The following FHIT variants were observed in gnomAD, a reference collection of about 807,000 sequenced individuals.
The protein encoded by FHIT is bis(5'-adenosyl)-triphosphatase.
Under a neutral mutation model 17.9 loss-of-function variants are expected in FHIT, and 19 were observed. The observed-to-expected ratio is 1.06, with a 90% CI of 0.74 to 1.56. The LOEUF (loss-of-function observed/expected upper bound fraction) is 1.56. Ranked by LOEUF, FHIT falls within the 40% of genes most tolerant of loss-of-function variation. The pLI is 0.00. For missense variants in FHIT, 248 were observed against 189.2 expected, an observed-to-expected ratio of 1.31 and a Z score of -1.82; for synonymous variants, 81 against 69.7, an observed-to-expected ratio of 1.16 and a Z score of -0.81.
At chr3:61,148,357 C>T (rs1278340790) in intron 2 of FHIT, among the ~76,000 whole-genome samples, 1 of 152,108 alleles carries the variant, frequency 6.6e-6, no homozygotes, top group East Asian at 1.9e-4. Context: ...ACCTCCTGAT[C>T]CTTTCTAGCA....
intron 5 of FHIT, among the ~76,000 whole-genome samples, chr3:60,338,582 G>T (rs1210832568): frequency 6.6e-6 from 1 of 152,072 alleles, no homozygotes; most frequent in Non-Finnish European, 1.5e-5. Flanking sequence ...ATCACATGCT[G>T]CCTTCCAAAA....
At chr3:60,974,467 G>A (rs956510771) in intron 3 of FHIT, among the ~76,000 whole-genome samples, 17 of 152,250 alleles carry the variant, frequency 1.1e-4, no homozygotes, top group Admixed American at 6.5e-4. Context: ...GGGATAGAAT[G>A]AAAGATTCAA....
chr3:60,147,749 G>A (rs59665750), intron 5 of FHIT, among the ~76,000 whole-genome samples: 19,352 of 152,082 alleles, frequency 0.13, 1,934 homozygotes, highest in African/African-American at 0.27. Flanking sequence ...TCTCTTTATC[G>A]CTAGATGCAG....
At position 60,970,860 on chromosome 3, in the gene FHIT, G is replaced by A. The variant is rs72873042; in HGVS notation, c.-111+71187C>T. Among the ~76,000 whole-genome samples, 1,497 of 152,080 alleles carry A rather than the reference G, an allele frequency of 9.8e-3. 20 individuals are homozygous for A. Among genetic ancestry groups the A allele is most frequent in the African/African-American group, 0.031 (1,295 of 41,476 alleles). ...AATAGACTTAATAATCTAATGAAAC[G>A]TTCATATTTATCATCCTGCTTTAGC... On this transcript the variant is annotated intron_variant, in intron 3 of 9. Transcript: ENST00000492590.
At chr3:60,823,528 G>C (rs1300020789) in intron 3 of FHIT, among the ~76,000 whole-genome samples, 3 of 152,240 alleles carry the variant, frequency 2.0e-5, no homozygotes, top group East Asian at 3.9e-4. Flanking sequence ...TGAGAATAAA[G>C]GCAGAGATTG....
At chr3:60,481,240 G>A (rs1012085922) in intron 5 of FHIT, among the ~76,000 whole-genome samples, 1 of 152,100 alleles carries the variant, frequency 6.6e-6, no homozygotes, top group Non-Finnish European at 1.5e-5. Context: ...AAACAAGCTG[G>A]AAAACACACT....
chr3:59,823,887 C>T (rs1291526887), intron 8 of FHIT, among the ~76,000 whole-genome samples: 1 of 152,100 alleles, frequency 6.6e-6, no homozygotes, highest in South Asian at 2.1e-4. Context: ...GCATCCAAAT[C>T]GGTAAAGAGG....
chr3:60,282,270 A>C (rs1211052068), intron 5 of FHIT, among the ~76,000 whole-genome samples: 1 of 152,192 alleles, frequency 6.6e-6, no homozygotes, highest in Non-Finnish European at 1.5e-5. Context: ...ATGTATAAAC[A>C]AACTGTGGCA....
At chr3:60,052,919 T>C (rs1274175437) in intron 5 of FHIT, among the ~76,000 whole-genome samples, 1 of 151,956 alleles carries the variant, frequency 6.6e-6, no homozygotes, top group African/African-American at 2.4e-5. Context: ...GTCAAATTTA[T>C]GGCAGTTAAA....
At chr3:60,458,320 C>G (rs1433388724) in intron 5 of FHIT, among the ~76,000 whole-genome samples, 1 of 151,860 alleles carries the variant, frequency 6.6e-6, no homozygotes, top group African/African-American at 2.4e-5. Flanking sequence ...TCTCAGCAAA[C>G]TATGGCAAGG....
At chr3:60,561,531 T>C (rs921662960) in intron 4 of FHIT, among the ~76,000 whole-genome samples, 1 of 151,766 alleles carries the variant, frequency 6.6e-6, no homozygotes, top group Admixed American at 6.6e-5. Context: ...TGAACCAATC[T>C]GCAATAGTCA....
chr3:60,100,362 C>A (rs1704139766), intron 5 of FHIT, among the ~76,000 whole-genome samples: 1 of 151,860 alleles, frequency 6.6e-6, no homozygotes, highest in African/African-American at 2.4e-5. Context: ...CCATCCTGGG[C>A]AACAGAGCAA....
chr3:60,441,743 T>A (rs759213536), intron 5 of FHIT, among the ~76,000 whole-genome samples: 5 of 92,940 alleles, frequency 5.4e-5, no homozygotes, highest in Admixed American at 4.2e-4. Flanking sequence ...TATATATATA[T>A]TTATATATAT....
chr3:60,685,003 G>A (rs1321788725), intron 4 of FHIT, among the ~76,000 whole-genome samples: 54 of 152,262 alleles, frequency 3.5e-4, no homozygotes, highest in Admixed American at 3.3e-3. Flanking sequence ...CAGAGGGAAA[G>A]TAGCGTTCTT....
chr3:61,241,312 C>T (rs1210144776), intron 1 of FHIT, among the ~76,000 whole-genome samples: 3 of 152,122 alleles, frequency 2.0e-5, no homozygotes, highest in Non-Finnish European at 2.9e-5. Context: ...GGGCTCCAAA[C>T]GCATAGGTAA....
At chr3:61,156,326 C>T (rs572879889) in intron 2 of FHIT, among the ~76,000 whole-genome samples, 6 of 152,110 alleles carry the variant, frequency 3.9e-5, no homozygotes, top group African/African-American at 1.2e-4. Context: ...TTTTTTAAGT[C>T]TACTTAAACC....
intron 4 of FHIT, among the ~76,000 whole-genome samples, chr3:60,744,782 A>T (rs1347890376): frequency 1.3e-5 from 2 of 152,192 alleles, no homozygotes; most frequent in African/African-American, 4.8e-5. Context: ...TCTTAACTAG[A>T]TAAATCCCTC....
At chr3:60,952,212 T>A (rs1247714646) in intron 3 of FHIT, among the ~76,000 whole-genome samples, 10 of 143,046 alleles carry the variant, frequency 7.0e-5, no homozygotes, top group African/African-American at 2.7e-4. Context: ...TTTTTATCTA[T>A]CTATACCACA....
Position 60,099,525 on chromosome 3 carries a change from T to C in FHIT, c.104-85373A>G, listed in dbSNP as rs17062213. ...TGTTAACCTGTACCCTCTATGCCTC[T>C]AATGGTCCTTCTAACACTGTGACCC... On this transcript the variant is annotated intron_variant, in intron 5 of 9. Transcript: ENST00000492590. Among the ~76,000 whole-genome samples, 1,086 of 152,264 alleles carry C rather than the reference T, an allele frequency of 7.1e-3. 9 individuals are homozygous for C. Among genetic ancestry groups the C allele is most frequent in the African/African-American group, 0.025 (1,035 of 41,556 alleles).
Sources: gnomAD v4.1 joint callset for allele counts (sites outside exome capture counted in the v4.1 genomes callset) on GRCh38, gnomAD v4.1.1 for gene constraint, MANE v1.5 for transcripts, NCBI Gene and HGNC (gene_info 2026-07-23, HGNC 2026-07-21) for gene names.